RUNX1T1: variants seen among roughly 807,000 people sequenced by gnomAD.
RUNX1T1 encodes the protein protein CBFA2T1.
A neutral mutation model predicts 62.8 loss-of-function variants in RUNX1T1; 4 were observed. That is an observed-to-expected ratio of 0.06 (90% confidence interval 0.03 to 0.15). RUNX1T1 has a LOEUF of 0.15. RUNX1T1 is among the 10% of genes least tolerant of loss of function. The pLI is 1.00. For synonymous variants in RUNX1T1, 291 were observed against 286.0 expected (o/e 1.02, Z -0.18); for missense variants, 508 against 754.3 (o/e 0.67, Z 3.82).
In RUNX1T1 at chr8:92,019,009, T is replaced by TA. The variant is rs1823559445; in HGVS notation, c.8-1647dup. ...GAGCATTTTCACCTTTATCTATTGT[T>TA]AAAAACTTGTCTTCAGATTGCTACA... On this transcript the variant is annotated intron_variant, in intron 1 of 10. Coordinates refer to ENST00000396218, the Ensembl canonical transcript of RUNX1T1. The TA allele has an allele frequency of 2.6e-5, 4 of 152,148 alleles. No individual in the cohort carries two copies. In the South Asian group the frequency reaches 8.3e-4, roughly 32 times the overall value. The allele number at this position is 152,148 out of a possible 1,614,324, so 9.4% of individuals were successfully genotyped here.
chr8:92,092,711 C>T (rs1837218002), intron 1 of RUNX1T1, among the ~76,000 whole-genome samples: 3 of 152,160 alleles, frequency 2.0e-5, no homozygotes, highest in African/African-American at 7.2e-5. Context: ...CTTTTTATTA[C>T]CAGGATTTTC....
intron 6 of RUNX1T1, 38 bp downstream of exon 7, chr8:91,991,601 C>T: frequency 6.3e-7 from 1 of 1,584,586 alleles, no homozygotes; most frequent in Non-Finnish European, 8.6e-7. Flanking sequence ...CTTCAAGCAC[C>T]CAATCCCGTA....
exon 11 of RUNX1T1, chr8:91,960,154 C>A (rs538025700): frequency 2.5e-5 from 35 of 1,380,470 alleles, no homozygotes; most frequent in Non-Finnish European, 3.1e-5. Context: ...AACAAACAAA[C>A]AAAAAAAACA....
At chr8:92,062,686 A>C in exon 1 of RUNX1T1, 2 of 1,612,392 alleles carry the variant, frequency 1.2e-6, no homozygotes, top group Non-Finnish European at 1.7e-6. Flanking sequence ...GCATCGCCGG[A>C]GGCAGGGTGC....
chr8:92,008,599 C>A lies in RUNX1T1; in HGVS notation c.477+2403G>T, dbSNP rs557380458. ...TTATGCCAGCTCAGAGAGACAAATT[C>A]CTGAATGATAATCAGGAGAATTGAC... On this transcript the variant is annotated intron_variant, in intron 4 of 10. Coordinates refer to ENST00000396218, the Ensembl canonical transcript of RUNX1T1. Among the ~76,000 whole-genome samples the A allele has an allele frequency of 1.1e-3, 167 of 152,138 alleles. 1 individual carries two copies. In the South Asian group the frequency reaches 0.017, roughly 16 times the overall value.
chr8:92,037,859 C>T (rs56967317), intron 1 of RUNX1T1, among the ~76,000 whole-genome samples: 389 of 152,108 alleles, frequency 2.6e-3, no homozygotes, highest in African/African-American at 8.8e-3. Context: ...TTTATGAAAA[C>T]AATAAATATT....
chr8:92,061,621 T>C (rs1832046094), intron 1 of RUNX1T1, among the ~76,000 whole-genome samples: 1 of 152,228 alleles, frequency 6.6e-6, no homozygotes, highest in Admixed American at 6.5e-5. Flanking sequence ...TGGCAATACC[T>C]ACACACAACT....
chr8:92,005,406 A>G (rs936239975), intron 4 of RUNX1T1, 109 bp from the exon 6 acceptor site: 6 of 939,624 alleles, frequency 6.4e-6, no homozygotes, highest in Non-Finnish European at 9.4e-6. Flanking sequence ...CAGCTACATC[A>G]AAGGTCAAAT....
chr8:91,981,247 T>C (rs1586800421), intron 8 of RUNX1T1, among the ~76,000 whole-genome samples: 5 of 152,058 alleles, frequency 3.3e-5, no homozygotes, highest in Non-Finnish European at 7.4e-5. Context: ...TCATGCTAGA[T>C]TTCCCGGGGA....
At chr8:91,962,161 A>T (rs1810608698) in intron 10 of RUNX1T1, among the ~76,000 whole-genome samples, 2 of 152,250 alleles carry the variant, frequency 1.3e-5, no homozygotes, top group African/African-American at 4.8e-5. Context: ...AAAGCCTTTG[A>T]ACTCAAGAAC....
chr8:92,090,226 A>C (rs1362525801), intron 1 of RUNX1T1, among the ~76,000 whole-genome samples: 1 of 151,496 alleles, frequency 6.6e-6, no homozygotes, highest in Non-Finnish European at 1.5e-5. Flanking sequence ...AAAGCTTTAC[A>C]CTATGAAACT....
chr8:92,034,791 C>CACACGTATCCAT (rs879497772), intron 1 of RUNX1T1, among the ~76,000 whole-genome samples: 1 of 115,578 alleles, frequency 8.7e-6, no homozygotes, highest in African/African-American at 3.4e-5. Context: ...TATATATATA[C>CACACGTATCCAT]ATATATACAC....
At chr8:92,005,265 G>C in exon 5 of RUNX1T1, 1 of 1,612,860 alleles carries the variant, frequency 6.2e-7, no homozygotes, top group Non-Finnish European at 8.5e-7. Context: ...TTGCGCAGTG[G>C]AGGAGCTCAC....
intron 1 of RUNX1T1, among the ~76,000 whole-genome samples, chr8:92,039,704 T>C (rs1828080640): frequency 6.6e-6 from 1 of 152,212 alleles, no homozygotes; most frequent in Non-Finnish European, 1.5e-5. Context: ...TCTCTCGATG[T>C]ATTATTCCCC....
At chr8:92,040,508 C>T (rs1828242480) in intron 1 of RUNX1T1, among the ~76,000 whole-genome samples, 1 of 152,036 alleles carries the variant, frequency 6.6e-6, no homozygotes, top group African/African-American at 2.4e-5. Flanking sequence ...CAAAGAACAC[C>T]AGGATTTAGG....
At position 92,010,918 on chromosome 8, in the gene RUNX1T1, C is replaced by T. The variant is rs754730893; in HGVS notation, c.477+84G>A. 8.1e-6 allele frequency: 6 copies of T among 742,724 alleles called. No individual in the cohort carries two copies. The East Asian group carries it at 1.5e-4, about 19-fold the overall frequency. The allele number at this position is 742,724 out of a possible 1,614,324, so 46.0% of individuals were successfully genotyped here. ...TCCATTAAATTAAATCAAAGAGCCC[C>T]TAAATGTACTAAAAAAGCACACAGT... On this transcript the variant is annotated intron_variant, in intron 4 of 10. Coordinates refer to ENST00000396218, the Ensembl canonical transcript of RUNX1T1.
chr8:91,958,517 T>C (rs1809700839), downstream of RUNX1T1: 1 of 192,260 alleles, frequency 5.2e-6, no homozygotes, highest in Admixed American at 6.1e-5. Flanking sequence ...CTAATGATTT[T>C]TACTTTTGTA....
In RUNX1T1 at chr8:92,017,509, C is replaced by G; in HGVS notation, c.8-146G>C. 2.0e-6 allele frequency: 3 copies of G among 1,529,788 alleles called. No homozygotes were observed. The South Asian group carries it at 3.7e-5, about 19-fold the overall frequency. 94.8% of individuals were successfully genotyped at this position (1,529,788 alleles called of 1,614,324 possible). A position where few individuals can be genotyped will look rare whatever the true frequency, so the allele number is the denominator to read the frequency against. On this transcript the variant is annotated intron_variant, in intron 1 of 10. Transcript: ENST00000396218. Reference sequence around the variant, plus strand: ...TACACTTATCTACTGACGTTTAAATCAGGATTTTATCATCCAAACCCCACT... The same window carrying G: ...TACACTTATCTACTGACGTTTAAATGAGGATTTTATCATCCAAACCCCACT...
chr8:92,056,276 T>C (rs1831020532), intron 1 of RUNX1T1, among the ~76,000 whole-genome samples: 1 of 152,186 alleles, frequency 6.6e-6, no homozygotes, highest in African/African-American at 2.4e-5. Context: ...GTTTACTTTG[T>C]CAAACTCTTT....
Sources: allele counts gnomAD v4.1 joint callset (sites outside exome capture counted in the v4.1 genomes callset), GRCh38; gene constraint gnomAD v4.1.1; transcripts MANE v1.5; gene names NCBI Gene and HGNC (gene_info 2026-07-23, HGNC 2026-07-21).